RNLS: variants seen among roughly 807,000 people sequenced by gnomAD.
RNLS encodes renalase.
Under a neutral mutation model 39.8 loss-of-function variants are expected in RNLS, and 39 were observed. That is an observed-to-expected ratio of 0.98 (90% confidence interval 0.76 to 1.28). The LOEUF is 1.28. Ranked by LOEUF, RNLS falls within the 50% of genes most tolerant of loss-of-function variation. The pLI, the probability that RNLS is intolerant of heterozygous loss-of-function variation, is 0.00. For missense variants in RNLS, 410 were observed against 413.3 expected (o/e 0.99, Z 0.07); for synonymous variants, 147 against 150.7 (o/e 0.98, Z 0.18).
downstream of RNLS, among the ~76,000 whole-genome samples, chr10:88,270,244 A>G (rs986964076): frequency 2.6e-5 from 4 of 152,162 alleles, no homozygotes; most frequent in African/African-American, 9.7e-5. Context: ...TAAGAGACGC[A>G]AATTAGACCT....
chr10:88,209,302 C>A, the RNLS span, among the ~76,000 whole-genome samples: 1 of 152,090 alleles, frequency 6.6e-6, no homozygotes, highest in East Asian at 1.9e-4. Flanking sequence ...AGTTAAGATG[C>A]CGTCATACTG....
chr10:88,229,764 A>G, the RNLS span, among the ~76,000 whole-genome samples: 1 of 152,172 alleles, frequency 6.6e-6, no homozygotes, highest in Non-Finnish European at 1.5e-5. Context: ...AGACTCATAT[A>G]ATATGTGGCC....
Position 88,497,362 on chromosome 10 carries a change from G to A in RNLS, c.526+75541C>T, listed in dbSNP as rs188505801. ...ACTAGAAAGTAGGCTTCAGATTACAGTAGCCCTCACTGAAAGATTTATAAT... is the reference window on the plus strand; with the variant it reads ...ACTAGAAAGTAGGCTTCAGATTACAATAGCCCTCACTGAAAGATTTATAAT... On this transcript the variant is annotated intron_variant, in intron 4 of 6. Coordinates refer to ENST00000331772, the MANE Select transcript of RNLS (RefSeq NM_001031709.3). Among the ~76,000 whole-genome samples, 28 of 152,106 alleles carry A rather than the reference G, an allele frequency of 1.8e-4. No individual in the cohort carries two copies. The East Asian group carries it at 2.1e-3, about 12-fold the overall frequency.
chr10:88,459,246 C>G (rs1842809757), intron 4 of RNLS, among the ~76,000 whole-genome samples: 1 of 151,036 alleles, frequency 6.6e-6, no homozygotes, highest in African/African-American at 2.5e-5. Context: ...TTTAAATTTT[C>G]CTATTAAAAT....
chr10:88,558,702 T>C (rs1849002917), intron 4 of RNLS, among the ~76,000 whole-genome samples: 1 of 152,020 alleles, frequency 6.6e-6, no homozygotes, highest in South Asian at 2.1e-4. Flanking sequence ...AAAGATTAAG[T>C]AGAACAGACT....
At chr10:88,329,252 C>T (rs1381528874) in intron 5 of RNLS, among the ~76,000 whole-genome samples, 1 of 151,856 alleles carries the variant, frequency 6.6e-6, no homozygotes, top group South Asian at 2.1e-4. Flanking sequence ...CAGGGTCTTG[C>T]TATGTTGCCC....
the RNLS span, among the ~76,000 whole-genome samples, chr10:88,208,759 C>A: frequency 6.6e-6 from 1 of 152,066 alleles, no homozygotes. Flanking sequence ...CTACACAAAT[C>A]TTGGAGAGTG....
chr10:88,399,860 T>G (rs1379139787), intron 4 of RNLS, among the ~76,000 whole-genome samples: 2 of 152,028 alleles, frequency 1.3e-5, no homozygotes, highest in East Asian at 3.9e-4. Flanking sequence ...AGTCTATAAG[T>G]CAGCAGTTTC....
chr10:88,319,677 A>G (rs542604889), intron 5 of RNLS, among the ~76,000 whole-genome samples: 49 of 152,220 alleles, frequency 3.2e-4, no homozygotes, highest in African/African-American at 1.1e-3. Context: ...CTAGACAAGC[A>G]GAAGAAAGAA....
chr10:88,303,880 A>G (rs1305474991), intron 6 of RNLS, among the ~76,000 whole-genome samples: 2 of 152,214 alleles, frequency 1.3e-5, no homozygotes, highest in East Asian at 3.9e-4. Flanking sequence ...CTGTGTACAC[A>G]GTCACCAGCT....
At chr10:88,280,274 TTGTTTAAC>T (rs1842963959), downstream of RNLS, among the ~76,000 whole-genome samples, 1 of 152,168 alleles carries the variant, frequency 6.6e-6, no homozygotes, top group Non-Finnish European at 1.5e-5. Flanking sequence ...CTAAGTGAGA[TTGTTTAAC>T]TGCATCAAGG....
At chr10:88,542,653 G>T (rs1848107300) in intron 4 of RNLS, among the ~76,000 whole-genome samples, 1 of 152,166 alleles carries the variant, frequency 6.6e-6, no homozygotes. Context: ...GCACTAGACA[G>T]CACTGCATGA....
At chr10:88,257,237 T>C in the RNLS span, among the ~76,000 whole-genome samples, 1 of 152,174 alleles carries the variant, frequency 6.6e-6, no homozygotes, top group African/African-American at 2.4e-5. Flanking sequence ...CACATTACGA[T>C]GTCAAAATTG....
chr10:88,183,259 A>G, the RNLS span, among the ~76,000 whole-genome samples: 24 of 152,142 alleles, frequency 1.6e-4, no homozygotes, highest in Non-Finnish European at 2.6e-4. Context: ...GAATAAAGCA[A>G]ATAAGAGGCT....
chr10:88,172,909 T>TGCA, the RNLS span, among the ~76,000 whole-genome samples: 2 of 128,944 alleles, frequency 1.6e-5, no homozygotes. Context: ...CAGGCTGGAG[T>TGCA]GCAGTGGTGT....
At chr10:88,532,859 G>A (rs1051384664) in intron 4 of RNLS, among the ~76,000 whole-genome samples, 3 of 152,006 alleles carry the variant, frequency 2.0e-5, no homozygotes, top group Non-Finnish European at 2.9e-5. Context: ...ATTTGGAAGA[G>A]AAAAACCAAT....
At chr10:88,300,039 TCAAAA>T (rs977208662) in intron 6 of RNLS, among the ~76,000 whole-genome samples, 1 of 152,130 alleles carries the variant, frequency 6.6e-6, no homozygotes, top group African/African-American at 2.4e-5. Context: ...AAGCCAGAAC[TCAAAA>T]AATTACTGCA....
intron 4 of RNLS, among the ~76,000 whole-genome samples, chr10:88,410,014 A>G (rs563590141): frequency 2.6e-4 from 39 of 152,258 alleles, no homozygotes; most frequent in African/African-American, 7.7e-4. Context: ...GCAGCCACAG[A>G]CAATGTGTAA....
chr10:88,253,817 G>A, the RNLS span, among the ~76,000 whole-genome samples: 1 of 152,100 alleles, frequency 6.6e-6, no homozygotes, highest in Admixed American at 6.5e-5. Context: ...CTCCTGGCCT[G>A]GGTTTGTCCC....
Sources: allele counts gnomAD v4.1 joint callset (sites outside exome capture counted in the v4.1 genomes callset), GRCh38; gene constraint gnomAD v4.1.1; transcripts MANE v1.5; gene names NCBI Gene and HGNC (gene_info 2026-07-23, HGNC 2026-07-21).